Variants in PDGFRA observed in about 807,000 individuals in gnomAD.
The protein encoded by PDGFRA is platelet derived growth factor receptor alpha, also known as platelet-derived growth factor receptor alpha.
Under a neutral mutation model 121.5 loss-of-function variants are expected in PDGFRA, and 25 were observed. That is an observed-to-expected ratio of 0.21 (90% CI 0.15 to 0.29). The LOEUF is 0.29. Ranked by LOEUF, PDGFRA falls within the 10% of genes least tolerant of loss-of-function variation. The pLI, the probability that PDGFRA is intolerant of heterozygous loss-of-function variation, is 1.00. For missense variants in PDGFRA, 1,008 were observed against 1,345.1 expected (o/e 0.75, Z 3.92); for synonymous variants, 463 against 494.8 (o/e 0.94, Z 0.85).
At chr4:54,239,189 A>C (rs1483640128) in intron 1 of PDGFRA, among the ~76,000 whole-genome samples, 1 of 152,220 alleles carries the variant, frequency 6.6e-6, no homozygotes, top group Non-Finnish European at 1.5e-5. Context: ...GAGATACTCT[A>C]TATGGTCTAA....
At chr4:54,278,038 A>C (rs1430119472) in intron 14 of PDGFRA, 32 bp downstream of exon 14, 1 of 1,246,718 alleles carries the variant, frequency 8.0e-7, no homozygotes, top group Non-Finnish European at 1.2e-6. Context: ...GAGGATTTTC[A>C]CTGGACACAT....
intron 1 of PDGFRA, among the ~76,000 whole-genome samples, chr4:54,232,709 C>G (rs572652396): frequency 6.6e-6 from 1 of 152,310 alleles, no homozygotes; most frequent in South Asian, 2.1e-4. Flanking sequence ...CTCAGCCTCC[C>G]GAGTAACTGG....
chr4:54,289,731 G>T (rs1275437616), intron 21 of PDGFRA, among the ~76,000 whole-genome samples: 2 of 152,186 alleles, frequency 1.3e-5, no homozygotes, highest in East Asian at 3.9e-4. Flanking sequence ...AGGAGATTGT[G>T]TGCCGAACTG....
intron 1 of PDGFRA, among the ~76,000 whole-genome samples, chr4:54,252,015 C>A (rs574221334): frequency 6.6e-6 from 1 of 152,184 alleles, no homozygotes; most frequent in East Asian, 1.9e-4. Flanking sequence ...GAATTTGTTT[C>A]AAAAACTATG....
intron 2 of PDGFRA, among the ~76,000 whole-genome samples, chr4:54,259,184 C>G (rs1722548335): frequency 6.6e-6 from 1 of 152,166 alleles, no homozygotes; most frequent in African/African-American, 2.4e-5. Context: ...GGTGGCACAT[C>G]TGTTGTCCCA....
intron 1 of PDGFRA, among the ~76,000 whole-genome samples, chr4:54,247,830 C>A (rs1157983192): frequency 6.6e-6 from 1 of 152,194 alleles, no homozygotes; most frequent in Non-Finnish European, 1.5e-5. Context: ...ACCCCATTGT[C>A]TCAGCCCAAA....
chr4:54,264,330 T>G (rs1316128465), intron 4 of PDGFRA: 2 of 307,368 alleles, frequency 6.5e-6, no homozygotes, highest in East Asian at 1.4e-4. Context: ...AACCCTTTGA[T>G]GTCCACAGTT....
rs2110346068 is a variant in PDGFRA, at chr4:54,289,130, TG to T, written c.2880+19del. 1 of 1,415,316 alleles carries T rather than the reference TG, an allele frequency of 7.1e-7. No individual in the cohort carries two copies. The highest frequency in any genetic ancestry group is 1.0e-6 in the Non-Finnish European group (1 of 998,620). The allele number at this position is 1,415,316 out of a possible 1,614,324, so 87.7% of individuals were successfully genotyped here. The stretch of plus-strand genomic sequence containing the variant: ...ATATAAAAAGGTGTGTTTGGATCTG[TG>T]GGTGGAAAGGTCTGGATAAAGCTGG... On this transcript the variant is annotated intron_variant, in intron 21 of 22. Coordinates refer to ENST00000257290, the MANE Select transcript of PDGFRA (RefSeq NM_006206.6).
chr4:54,255,105 C>A (rs1722286700), intron 1 of PDGFRA, among the ~76,000 whole-genome samples: 1 of 152,206 alleles, frequency 6.6e-6, no homozygotes, highest in Non-Finnish European at 1.5e-5. Context: ...GGCTCTGACA[C>A]CAGCTGTGTG....
intron 5 of PDGFRA, among the ~76,000 whole-genome samples, chr4:54,266,777 TTGAGATCAGCCTGGGCAATGTATCA>T (rs1195829912): frequency 1.3e-5 from 2 of 152,106 alleles, no homozygotes; most frequent in African/African-American, 4.8e-5. Flanking sequence ...GGCCAGGAGT[TTGAGATCAGCCTGGGCAATGTATCA>T]AGACTCCGTC....
Position 54,290,330 on chromosome 4 carries a change from C to T in PDGFRA, c.2898C>T (p.His966=), listed in dbSNP as rs1724560253. The change falls in exon 22 of 23, where the codon CAC becomes CAT. Residue 966 remains histidine, a synonymous_variant. Coordinates refer to ENST00000257290, the MANE Select transcript of PDGFRA (RefSeq NM_006206.6). ...GTTTATAGAGTTATGAAAAAATTCA[C>T]CTGGACTTCCTGAAGAGTGACCATC... ...GQYKKSYEKI[H]LDFLKSDHPA... 1.2e-6 allele frequency: 2 copies of T among 1,611,554 alleles called. No individual in the cohort carries two copies. The highest frequency in any genetic ancestry group is 2.2e-5 in the East Asian group (1 of 44,870).
chr4:54,278,137 G>C, intron 14 of PDGFRA, 131 bp downstream of exon 14: 2 of 738,642 alleles, frequency 2.7e-6, no homozygotes, highest in Non-Finnish European at 4.8e-6. Context: ...GAATGGAGCT[G>C]ACTGGTCCCT....
At chr4:54,253,646 T>C (rs1433723810) in intron 1 of PDGFRA, among the ~76,000 whole-genome samples, 1 of 152,092 alleles carries the variant, frequency 6.6e-6, no homozygotes, top group Non-Finnish European at 1.5e-5. Context: ...ATGAAATCCA[T>C]TGTTCTTTTC....
At chr4:54,270,604 T>G (rs767373607) in intron 7 of PDGFRA, 29 bp from the exon 8 acceptor site, 2 of 1,226,030 alleles carry the variant, frequency 1.6e-6, no homozygotes, top group East Asian at 4.6e-5. Context: ...TAGCTACTGC[T>G]TGTTGAAACA....
chr4:54,253,203 G>T (rs1722155701), intron 1 of PDGFRA, among the ~76,000 whole-genome samples: 1 of 152,208 alleles, frequency 6.6e-6, no homozygotes, highest in East Asian at 1.9e-4. Context: ...TAGTTAAAGA[G>T]AAGTTGAAGT....
chr4:54,297,091 G>T lies in PDGFRA; in HGVS notation c.*1819G>T. On this transcript the variant is annotated 3_prime_UTR_variant, in exon 23 of 23. Transcript: ENST00000257290. ...TGTGTAACCAGCTCAGTGTTTTGGT[G>T]GAAAAAACATTTTAAGTTTTACTGA... The T allele has an allele frequency of 4.3e-6, 1 of 233,142 alleles. No individual in the cohort carries two copies. The highest frequency in any genetic ancestry group is 6.0e-5 in the East Asian group (1 of 16,580). The allele number at this position is 233,142 out of a possible 1,614,324, so 14.4% of individuals were successfully genotyped here.
intron 8 of PDGFRA, among the ~76,000 whole-genome samples, chr4:54,271,990 TCCCCCCTC>T (rs1560477308): frequency 4.5e-3 from 9 of 2,000 alleles, no homozygotes; most frequent in African/African-American, 0.025. Flanking sequence ...CCCCCTCCCC[TCCCCCCTC>T]CCCCCCTCCC....
chr4:54,255,099 C>T (rs1004729013), intron 1 of PDGFRA, among the ~76,000 whole-genome samples: 1 of 152,178 alleles, frequency 6.6e-6, no homozygotes, highest in African/African-American at 2.4e-5. Context: ...AATTTTGGCT[C>T]TGACACCAGC....
intron 1 of PDGFRA, among the ~76,000 whole-genome samples, chr4:54,244,409 C>T (rs181948514): frequency 6.0e-4 from 92 of 152,164 alleles, no homozygotes; most frequent in African/African-American, 2.1e-3. Context: ...TTGCGGTTCA[C>T]GAAAATCTGC....
Sources: gnomAD v4.1 joint callset for allele counts (sites outside exome capture counted in the v4.1 genomes callset) on GRCh38, gnomAD v4.1.1 for gene constraint, MANE v1.5 for transcripts, NCBI Gene and HGNC (gene_info 2026-07-23, HGNC 2026-07-21) for gene names.